The following TMEM45B variants were observed in gnomAD, a reference collection of about 807,000 sequenced individuals.
The protein encoded by TMEM45B is transmembrane protein 45B.
In TMEM45B, 29 loss-of-function variants were observed where a neutral mutation model predicts 27.3. That is an observed-to-expected ratio of 1.06 (90% CI 0.79 to 1.45). The LOEUF (loss-of-function observed/expected upper bound fraction) is 1.45, where lower values mean the gene tolerates loss of function less well. Ranked by LOEUF, TMEM45B falls within the 40% of genes most tolerant of loss-of-function variation. The pLI is 0.00. For missense variants in TMEM45B, 348 were observed against 343.9 expected, an observed-to-expected ratio of 1.01 and a Z score of -0.09; for synonymous variants, 143 against 134.7, an observed-to-expected ratio of 1.06 and a Z score of -0.43.
chr11:129,847,837 C>CCTG, intron 1 of TMEM45B, among the ~76,000 whole-genome samples: 1 of 152,112 alleles, frequency 6.6e-6, no homozygotes, highest in African/African-American at 2.4e-5. Flanking sequence ...CCCCACCTTT[C>CCTG]CCCCTTTTCT....
At chr11:129,830,303 G>A (rs1184080177) in intron 1 of TMEM45B, among the ~76,000 whole-genome samples, 2 of 152,108 alleles carry the variant, frequency 1.3e-5, no homozygotes, top group African/African-American at 4.8e-5. Context: ...CTCCAGCCTG[G>A]GAGACAAGAG....
chr11:129,855,978 T>A, intron 4 of TMEM45B, 86 bp downstream of exon 4: 1 of 1,501,338 alleles, frequency 6.7e-7, no homozygotes. Flanking sequence ...GACGAGAATA[T>A]GGGGTCTGAA....
chr11:129,841,437 TGGCTGACTGAAAAAACTATG>T (rs1781394599), intron 1 of TMEM45B, among the ~76,000 whole-genome samples: 2 of 152,188 alleles, frequency 1.3e-5, no homozygotes, highest in Admixed American at 1.3e-4. Flanking sequence ...CACGCATCCC[TGGCTGACTGAAAAAACTATG>T]CATATATGGA....
At chr11:129,838,984 G>A (rs1327106281) in intron 1 of TMEM45B, among the ~76,000 whole-genome samples, 1 of 151,746 alleles carries the variant, frequency 6.6e-6, no homozygotes, top group Admixed American at 6.6e-5. Flanking sequence ...CCTTTCCTTG[G>A]CACCATTTCC....
At position 129,840,682 on chromosome 11, in the gene TMEM45B, A is replaced by G. The variant is rs570207305; in HGVS notation, c.-8-11793A>G. Among the ~76,000 whole-genome samples, 9 of 152,220 alleles carry G rather than the reference A, an allele frequency of 5.9e-5. No individual in the cohort carries two copies. In the East Asian group the frequency reaches 1.4e-3, roughly 23 times the overall value. The stretch of plus-strand genomic sequence containing the variant: ...TGGATCACTTGAGGTCAGGAGTTCT[A>G]TATCAGCCTGACCAACATGGTGAAA... On this transcript the variant is annotated intron_variant, in intron 1 of 5. Coordinates refer to ENST00000281441, the MANE Select transcript of TMEM45B (RefSeq NM_138788.5).
At chr11:129,816,365 T>C (rs1947351237) in intron 1 of TMEM45B, among the ~76,000 whole-genome samples, 1 of 152,000 alleles carries the variant, frequency 6.6e-6, no homozygotes, top group Non-Finnish European at 1.5e-5. Flanking sequence ...CTCACATAGC[T>C]CTGGGCACTG....
intron 1 of TMEM45B, among the ~76,000 whole-genome samples, chr11:129,837,290 CT>C (rs1000400474): frequency 1.3e-5 from 2 of 151,142 alleles, no homozygotes; most frequent in African/African-American, 2.4e-5. Context: ...TCTTTTTTTT[CT>C]TTTTTTTGTT....
intron 1 of TMEM45B, among the ~76,000 whole-genome samples, chr11:129,817,395 T>A (rs1247050982): frequency 6.6e-6 from 1 of 152,210 alleles, no homozygotes; most frequent in African/African-American, 2.4e-5. Flanking sequence ...ATTGGCTCCC[T>A]CTGTTCCTGG....
chr11:129,845,289 G>A (rs1392276155), intron 1 of TMEM45B, among the ~76,000 whole-genome samples: 1 of 145,564 alleles, frequency 6.9e-6, no homozygotes, highest in Non-Finnish European at 1.5e-5. Context: ...GTGTGTGTGT[G>A]TGTGTGTGTA....
chr11:129,858,511 C>T (rs1947962005), intron 5 of TMEM45B, 63 bp from the exon 6 acceptor site: 1 of 1,188,634 alleles, frequency 8.4e-7, no homozygotes. Context: ...GATGCCTTCA[C>T]ATCCTTGGTA....
intron 1 of TMEM45B, 65 bp from the exon 2 acceptor site, chr11:129,852,410 T>C: frequency 6.9e-7 from 1 of 1,454,252 alleles, no homozygotes; most frequent in Non-Finnish European, 9.4e-7. Flanking sequence ...TTGTGTTTCC[T>C]GCCAAAATAT....
intron 1 of TMEM45B, 141 bp downstream of exon 1, chr11:129,816,039 G>T: frequency 8.3e-7 from 1 of 1,199,000 alleles, no homozygotes; most frequent in Non-Finnish European, 1.0e-6. Context: ...CGGACAGGGA[G>T]GGGCTCTGGG....
chr11:129,837,582 G>A (rs1000071978), intron 1 of TMEM45B, among the ~76,000 whole-genome samples: 2 of 38,662 alleles, frequency 5.2e-5, no homozygotes, highest in African/African-American at 1.3e-4. Context: ...CCACTGCACT[G>A]GGCTTTTTTT....
chr11:129,852,870 C>T (rs372578998), intron 2 of TMEM45B: 1 of 421,108 alleles, frequency 2.4e-6, no homozygotes. Context: ...TCATGGGACA[C>T]TGTGAAAAAC....
intron 1 of TMEM45B, chr11:129,827,248 A>T (rs1039007794): frequency 2.0e-5 from 3 of 152,242 alleles, no homozygotes; most frequent in African/African-American, 7.2e-5. Context: ...TCGTTAGGCG[A>T]TTTTGTTGTG....
intron 1 of TMEM45B, among the ~76,000 whole-genome samples, chr11:129,848,285 C>T (rs1252877901): frequency 6.6e-6 from 1 of 152,124 alleles, no homozygotes; most frequent in Admixed American, 6.5e-5. Flanking sequence ...CCGAGGCTGG[C>T]GGATCACTCG....
intron 4 of TMEM45B, among the ~76,000 whole-genome samples, chr11:129,856,174 C>T (rs542054638): frequency 6.6e-6 from 1 of 152,288 alleles, no homozygotes; most frequent in East Asian, 1.9e-4. Flanking sequence ...ACAGGCTCTG[C>T]TTGCTAAACT....
intron 1 of TMEM45B, among the ~76,000 whole-genome samples, chr11:129,836,133 A>G (rs544024659): frequency 6.6e-6 from 1 of 152,248 alleles, no homozygotes; most frequent in East Asian, 1.9e-4. Context: ...TAAAAAAAAA[A>G]AAATTGAACG....
chr11:129,825,185 A>G (rs1321498049), intron 1 of TMEM45B, among the ~76,000 whole-genome samples: 10 of 152,190 alleles, frequency 6.6e-5, no homozygotes, highest in African/African-American at 2.4e-4. Flanking sequence ...AAAGACAATG[A>G]GAGACCAAAT....
Sources: allele counts gnomAD v4.1 joint callset (sites outside exome capture counted in the v4.1 genomes callset), GRCh38; gene constraint gnomAD v4.1.1; transcripts MANE v1.5; gene names NCBI Gene and HGNC (gene_info 2026-07-23, HGNC 2026-07-21).